Variants in DIAPH3 observed in about 807,000 individuals in gnomAD.
DIAPH3 encodes the protein protein diaphanous homolog 3.
In DIAPH3, 117 loss-of-function variants were observed where a neutral mutation model predicts 144.3. That is an observed-to-expected ratio of 0.81 (90% CI 0.70 to 0.95). DIAPH3 has a LOEUF of 0.95. Ranked by LOEUF, DIAPH3 falls within the 40% of genes least tolerant of loss-of-function variation. The pLI is 0.00. For synonymous variants in DIAPH3, 519 were observed against 488.9 expected (o/e 1.06, Z -0.81); for missense variants, 1,421 against 1,412.7 (o/e 1.01, Z -0.09).
rs188629913 is a variant in DIAPH3 at position 60,141,188 on chromosome 13, T to C, written c.181-8199A>G. On this transcript the variant is annotated intron_variant, in intron 1 of 27. Transcript: ENST00000400324. Reference sequence around the variant, plus strand: ...TTTATTGTAAATGTAAATGATATCATGCCATCTTGAGAAAGTTAGGGTAAA... The same window carrying C: ...TTTATTGTAAATGTAAATGATATCACGCCATCTTGAGAAAGTTAGGGTAAA... Among the ~76,000 whole-genome samples the C allele has an allele frequency of 1.4e-4, 21 of 152,326 alleles. 1 individual carries two copies. In the East Asian group the frequency reaches 3.7e-3, roughly 27 times the overall value.
At chr13:59,820,361 A>G (rs532852782) in intron 24 of DIAPH3, among the ~76,000 whole-genome samples, 1 of 151,948 alleles carries the variant, frequency 6.6e-6, no homozygotes, top group Non-Finnish European at 1.5e-5. Context: ...GTAGTTCTCA[A>G]CCTCAAGTCT....
intron 14 of DIAPH3, among the ~76,000 whole-genome samples, chr13:59,975,894 C>G (rs146122856): frequency 1.8e-3 from 271 of 151,964 alleles, no homozygotes; most frequent in African/African-American, 6.1e-3. Context: ...CCCCTCTTAC[C>G]GTTAAATAAT....
At chr13:60,011,545 A>C (rs953123026) in intron 7 of DIAPH3, among the ~76,000 whole-genome samples, 1 of 152,228 alleles carries the variant, frequency 6.6e-6, no homozygotes, top group Non-Finnish European at 1.5e-5. Flanking sequence ...TTTATTGATG[A>C]CATTTCACTT....
At chr13:59,978,335 T>C (rs1320632983) in intron 14 of DIAPH3, among the ~76,000 whole-genome samples, 1 of 151,596 alleles carries the variant, frequency 6.6e-6, no homozygotes, top group East Asian at 1.9e-4. Context: ...TTTCTCTTTT[T>C]GACAACTAAG....
chr13:59,964,620 T>C (rs1447678448), intron 17 of DIAPH3, among the ~76,000 whole-genome samples: 2 of 152,134 alleles, frequency 1.3e-5, no homozygotes, highest in Non-Finnish European at 1.5e-5. Flanking sequence ...TTCTTTAGCC[T>C]CTGTCTTTAG....
intron 23 of DIAPH3, among the ~76,000 whole-genome samples, chr13:59,834,479 G>T (rs967031213): frequency 6.6e-6 from 1 of 151,452 alleles, no homozygotes; most frequent in Non-Finnish European, 1.5e-5. Context: ...ATTTCAAAAA[G>T]ATATGGTTCT....
chr13:60,116,448 T>C (rs1205570337), intron 2 of DIAPH3, among the ~76,000 whole-genome samples: 1 of 148,834 alleles, frequency 6.7e-6, no homozygotes, highest in East Asian at 2.0e-4. Context: ...AAACAAAAAC[T>C]GAGAGAAACC....
At chr13:59,677,164 G>A (rs1046754445) in intron 27 of DIAPH3, among the ~76,000 whole-genome samples, 1 of 151,966 alleles carries the variant, frequency 6.6e-6, no homozygotes, top group Non-Finnish European at 1.5e-5. Flanking sequence ...CCCAAGCATG[G>A]CATGATTTTA....
Position 59,793,219 on chromosome 13 carries a change from A to G in DIAPH3, c.3163+17569T>C, listed in dbSNP as rs190924972. Among the ~76,000 whole-genome samples the G allele has an allele frequency of 6.6e-4, 101 of 152,170 alleles. No homozygotes were observed. The East Asian group carries it at 0.016, about 25-fold the overall frequency. On this transcript the variant is annotated intron_variant, in intron 25 of 27. Coordinates refer to ENST00000400324, the MANE Select transcript of DIAPH3 (RefSeq NM_001042517.2). ...GTGGATTTCCAAGACAATTTCCTCT[A>G]CCTGTGCTAGTATCTTGTTGTTCTC...
At chr13:59,838,381 T>C (rs1308307848) in intron 23 of DIAPH3, 1 of 152,044 alleles carries the variant, frequency 6.6e-6, no homozygotes, top group African/African-American at 2.4e-5. Context: ...ACAAGCCTCA[T>C]GCTATTAATT....
At chr13:60,130,759 T>C (rs527560917) in intron 2 of DIAPH3, among the ~76,000 whole-genome samples, 2 of 152,344 alleles carry the variant, frequency 1.3e-5, no homozygotes, top group African/African-American at 2.4e-5. Flanking sequence ...GAAAGGCAGA[T>C]AATAAATGAT....
At chr13:60,081,107 A>AT (rs1317125261) in intron 4 of DIAPH3, among the ~76,000 whole-genome samples, 7 of 151,882 alleles carry the variant, frequency 4.6e-5, no homozygotes, top group Non-Finnish European at 7.4e-5. Flanking sequence ...ACACTCACTA[A>AT]TTTATAGACA....
chr13:59,742,593 A>AAAAGAAAAG (rs1487179769), intron 27 of DIAPH3, among the ~76,000 whole-genome samples: 4 of 150,620 alleles, frequency 2.7e-5, no homozygotes, highest in Admixed American at 2.7e-4. Context: ...AAGGAAAGAG[A>AAAAGAAAAG]AAAGAAAAGA....
chr13:59,908,975 G>T (rs911798116), intron 20 of DIAPH3, among the ~76,000 whole-genome samples: 1 of 152,102 alleles, frequency 6.6e-6, no homozygotes, highest in Admixed American at 6.6e-5. Context: ...TTCAGGTAAA[G>T]ATGATTAGCA....
At chr13:60,083,025 C>T (rs1172690831) in intron 4 of DIAPH3, among the ~76,000 whole-genome samples, 1 of 151,994 alleles carries the variant, frequency 6.6e-6, no homozygotes, top group Non-Finnish European at 1.5e-5. Flanking sequence ...CCTTGGCCCT[C>T]AGCTTGTAAA....
rs533517198 is a variant in DIAPH3, at chr13:60,125,223, T to C, written c.213+7734A>G. ...ATTCCCTAGTTATGTTGTTTTGTTT[T>C]GTTTTTTTAAGACAAGGTTTCCCTC... On this transcript the variant is annotated intron_variant, in intron 2 of 27. Transcript: ENST00000400324. Among the ~76,000 whole-genome samples the C allele has an allele frequency of 9.2e-5, 14 of 152,224 alleles. No homozygotes were observed. The South Asian group carries it at 2.9e-3, about 32-fold the overall frequency.
chr13:59,839,544 C>T (rs1005779615), intron 22 of DIAPH3, 96 bp from the exon 23 acceptor site: 1 of 1,127,170 alleles, frequency 8.9e-7, no homozygotes, highest in Non-Finnish European at 1.2e-6. Context: ...AAACAACTCA[C>T]AATAATGTAA....
intron 17 of DIAPH3, among the ~76,000 whole-genome samples, chr13:59,932,432 G>T (rs573584437): frequency 2.0e-5 from 3 of 151,746 alleles, no homozygotes; most frequent in Admixed American, 6.6e-5. Context: ...GAAAAATAAC[G>T]CTTAGGGTAA....
intron 27 of DIAPH3, among the ~76,000 whole-genome samples, chr13:59,748,327 C>T (rs973530714): frequency 7.2e-5 from 11 of 152,200 alleles, no homozygotes; most frequent in East Asian, 5.8e-4. Flanking sequence ...TTGATCATTA[C>T]GGAAATCTAT....
Sources: allele counts gnomAD v4.1 joint callset (sites outside exome capture counted in the v4.1 genomes callset), GRCh38; gene constraint gnomAD v4.1.1; transcripts MANE v1.5; gene names NCBI Gene and HGNC (gene_info 2026-07-23, HGNC 2026-07-21).